The following TOP2A variants were observed in gnomAD, a reference collection of about 807,000 sequenced individuals.
The protein encoded by TOP2A is DNA topoisomerase II alpha.
TOP2A carries 68 observed loss-of-function variants against 187.2 expected under a neutral mutation model. The observed-to-expected ratio is 0.36, with a 90% CI of 0.30 to 0.44. TOP2A has a LOEUF of 0.44. Among genes scored for constraint, TOP2A ranks in the 20% least tolerant of loss-of-function variants. The probability of loss-of-function intolerance (pLI) is 1.00; values close to 1 mark genes in which losing one functional copy is unlikely to be tolerated. For synonymous variants in TOP2A, 542 were observed against 593.2 expected (o/e 0.91, Z 1.25); for missense variants, 1,196 against 1,808.7 (o/e 0.66, Z 6.14).
intron 29 of TOP2A, among the ~76,000 whole-genome samples, chr17:40,394,756 T>C (rs2035068281): frequency 6.6e-6 from 1 of 152,234 alleles, no homozygotes; most frequent in Non-Finnish European, 1.5e-5. Flanking sequence ...TTTAGTTCAT[T>C]GAGTGGACAT....
In TOP2A at chr17:40,398,863, A is replaced by C. The variant is rs777154533; in HGVS notation, c.3363T>G (p.Ser1121=). Residue 1121 remains serine, a synonymous_variant, in exon 26 of 35, where the codon TCT becomes TCG. Transcript: ENST00000423485. The stretch of plus-strand genomic sequence containing the variant: ...CAAGAAGATAGTTGAAGGTTGGTCC[A>C]GAATCTGTTACGGAGTCACTCTTTT... The part of the protein sequence containing the change: ...ETEKSDSVTD[S]GPTFNYLLDM... The C allele has an allele frequency of 1.2e-6, 2 of 1,613,926 alleles. No individual in the cohort carries two copies. Among genetic ancestry groups the C allele is most frequent in the Non-Finnish European group, 1.7e-6 (2 of 1,179,854 alleles).
At chr17:40,398,722 A>G (rs2035134765) in intron 26 of TOP2A, 51 bp downstream of exon 26, 1 of 1,604,658 alleles carries the variant, frequency 6.2e-7, no homozygotes, top group South Asian at 1.1e-5. Context: ...TACTTTTACC[A>G]TTAGAATAGA....
chr17:40,405,540 C>T (rs1213423552), intron 16 of TOP2A, among the ~76,000 whole-genome samples: 9 of 148,622 alleles, frequency 6.1e-5, no homozygotes, highest in Admixed American at 5.3e-4. Flanking sequence ...CTGCAAGCTC[C>T]GCCTCCTGGG....
chr17:40,396,131 C>T (rs1275284676), intron 28 of TOP2A, among the ~76,000 whole-genome samples, 152 bp downstream of exon 28: 1 of 151,752 alleles, frequency 6.6e-6, no homozygotes, highest in Non-Finnish European at 1.5e-5. Context: ...AGGCGCCTGC[C>T]ACCATGCCCG....
chr17:40,395,532 T>C lies in TOP2A; in HGVS notation c.3728A>G (p.Asn1243Ser), dbSNP rs749413974. The C allele has an allele frequency of 1.2e-6, 2 of 1,606,350 alleles. No individual in the cohort carries two copies. The highest frequency in any genetic ancestry group is 3.4e-5 in the Admixed American group (2 of 59,530). The change falls in exon 29 of 35, where the codon AAT becomes AGT. Residue 1243 changes from asparagine to serine, a missense_variant. This residue lies in a region of TOP2A where 374 missense variants were observed against 403.3 expected (regional missense o/e 0.93). Transcript: ENST00000423485. ...KKNKKKIKNE[N>S]TEGSPQEDGV... is the part of the protein sequence containing the mutation. ...ATCTTCTTGAGGGCTTCCTTCAGTATTTTCATTCTAAAAGATAGCAAAGTT... is the reference window on the plus strand; with the variant it reads ...ATCTTCTTGAGGGCTTCCTTCAGTACTTTCATTCTAAAAGATAGCAAAGTT...
At position 40,399,944 on chromosome 17, in the gene TOP2A, C is replaced by T; in HGVS notation, c.3124G>A (p.Gly1042Ser). ...LRKEWLLGML[G>S]AESAKLNNQA... ...TTATTCAGTTTAGCAGATTCAGCAC[C>T]AAGCATTCCTAGGAGCCATTCTTTT... Residue 1042 changes from glycine (G) to serine (S), a missense_variant, in exon 24 of 35, where the codon GGT becomes AGT. By Grantham distance (56) the Gly-to-Ser change is moderately conservative. Transcript: ENST00000423485. 1 of 1,613,028 alleles carries T rather than the reference C, an allele frequency of 6.2e-7. No individual in the cohort carries two copies. The highest frequency in any genetic ancestry group is 8.5e-7 in the Non-Finnish European group (1 of 1,179,506).
chr17:40,417,515 C>T, intron 1 of TOP2A: 1 of 1,414,454 alleles, frequency 7.1e-7, no homozygotes, highest in Non-Finnish European at 9.2e-7. Context: ...GGATCCACTA[C>T]GGGACCAACG....
chr17:40,397,966 C>T (rs1003015738), intron 27 of TOP2A, among the ~76,000 whole-genome samples: 8 of 151,812 alleles, frequency 5.3e-5, no homozygotes, highest in Non-Finnish European at 5.9e-5. Context: ...TTAGTAGAGA[C>T]AGGGTTTCTC....
chr17:40,392,369 T>C, intron 30 of TOP2A, 28 bp from the exon 31 acceptor site: 1 of 1,568,946 alleles, frequency 6.4e-7, no homozygotes. Flanking sequence ...TACAAAAAAA[T>C]CAAAGAGGGT....
chr17:40,408,872 A>G (rs1469442877), intron 10 of TOP2A: 1 of 613,204 alleles, frequency 1.6e-6, no homozygotes, highest in South Asian at 1.5e-5. Context: ...TTGTGCTAGC[A>G]CTGAGCTACT....
At position 40,389,212 on chromosome 17, in the gene TOP2A, C is replaced by A; in HGVS notation, c.*307G>T. On this transcript the variant is annotated 3_prime_UTR_variant, in exon 35 of 35. Coordinates refer to ENST00000423485, the MANE Select transcript of TOP2A (RefSeq NM_001067.4). ...GATGGTTAATAAACACACTGCTTTA[C>A]GCTGAAGTGATCAGATAGCTATTTC... 3.6e-6 allele frequency: 1 copy of A among 276,904 alleles called. No homozygotes were observed. Among genetic ancestry groups the A allele is most frequent in the East Asian group, 5.5e-5 (1 of 18,262 alleles). The allele number at this position is 276,904 out of a possible 1,614,324, so 17.2% of individuals were successfully genotyped here.
rs1361160549 is a variant in TOP2A at position 40,412,799 on chromosome 17, G to C, written c.749C>G (p.Thr250Ser). The C allele has an allele frequency of 6.2e-7, 1 of 1,613,800 alleles. No homozygotes were observed. Among genetic ancestry groups the C allele is most frequent in the Admixed American group, 1.7e-5 (1 of 59,994 alleles). ...VRRAYDIAGSTKDVKVFLNGN... is the reference protein window; with the variant it reads ...VRRAYDIAGSSKDVKVFLNGN... ...ATTAAGAAAGACTTTGACATCTTTG[G>C]TGGATCCAGCAATATCATATGCTCT... Residue 250 changes from threonine to serine, a missense_variant, in exon 7 of 35, where the codon ACC (threonine) becomes AGC (serine). Thr to Ser is a moderately conservative substitution (Grantham distance 58). This residue lies in a region of TOP2A where 252 missense variants were observed against 434.8 expected (regional missense o/e 0.58). Coordinates refer to ENST00000423485, the MANE Select transcript of TOP2A (RefSeq NM_001067.4).
chr17:40,400,801 C>T (rs767230455), intron 21 of TOP2A, 49 bp downstream of exon 21: 1 of 1,589,850 alleles, frequency 6.3e-7, no homozygotes, highest in African/African-American at 1.3e-5. Context: ...ATCTATTCAA[C>T]TGAAACCCAA....
chr17:40,396,142 C>A, intron 28 of TOP2A, 141 bp downstream of exon 28: 1 of 514,530 alleles, frequency 1.9e-6, no homozygotes, highest in South Asian at 2.9e-5. Flanking sequence ...ACCATGCCCG[C>A]CTAATTTTTT....
intron 29 of TOP2A, 23 bp from the exon 30 acceptor site, chr17:40,392,760 T>A (rs1040973306): frequency 6.3e-7 from 1 of 1,590,966 alleles, no homozygotes; most frequent in Non-Finnish European, 8.5e-7. Context: ...TAGAAATTAA[T>A]CACCTTTATA....
rs1370163835 is a variant in TOP2A at position 40,408,098 on chromosome 17, G to T, written c.1369C>A (p.Leu457Ile). ...GCTGAATCTCCCTCAGTCAGGATAA[G>T]CGTACACTCAGTGGAGTTTCGGCCC... Reference protein sequence around the residue: ...AGGRNSTECTLILTEGDSAKT... With the variant: ...AGGRNSTECTIILTEGDSAKT... Residue 457 changes from leucine to isoleucine, a missense_variant, in exon 12 of 35, where the codon CTT becomes ATT. Physicochemically the swap from Leu to Ile is conservative, Grantham distance 5 (BLOSUM62 2). Transcript: ENST00000423485. 1 of 1,609,944 alleles carries T rather than the reference G, an allele frequency of 6.2e-7. No homozygotes were observed. Among genetic ancestry groups the T allele is most frequent in the Non-Finnish European group, 8.5e-7 (1 of 1,178,124 alleles).
rs765025262 is a variant in TOP2A, at chr17:40,406,410, G to C, written c.1927C>G (p.Pro643Ala). The C allele has an allele frequency of 6.2e-7, 1 of 1,613,058 alleles. No individual in the cohort carries two copies. The change falls in exon 16 of 35, where the codon CCT becomes GCT. Residue 643 changes from proline to alanine, a missense_variant. By Grantham distance (27) the Pro-to-Ala change is conservative (BLOSUM62 -1). Transcript: ENST00000423485. ...AGGCTGATAGCAGCATCATCTTCAG[G>C]ACCAGAATATTTGAACTGGATACGA... ...RHRIQFKYSG[P>A]EDDAAISLAF...
intron 19 of TOP2A, among the ~76,000 whole-genome samples, chr17:40,403,436 T>C (rs1033564959): frequency 3.9e-5 from 6 of 152,324 alleles, no homozygotes; most frequent in African/African-American, 1.2e-4. Flanking sequence ...AAGGAACATA[T>C]TTTTATTTAT....
chr17:40,395,441 T>C lies in TOP2A; in HGVS notation c.3811+8A>G. On this transcript the variant is annotated splice_region_variant and intron_variant, in intron 29 of 34. Coordinates refer to ENST00000423485, the MANE Select transcript of TOP2A (RefSeq NM_001067.4). ...CTTTATACCATTTTTCTAAAAATGT[T>C]GTAATACCTGGTTCTCTTTTCTGTT... 6.3e-7 allele frequency: 1 copy of C among 1,578,092 alleles called. No individual in the cohort carries two copies. Among genetic ancestry groups the C allele is most frequent in the Non-Finnish European group, 8.7e-7 (1 of 1,152,962 alleles).
Sources: gnomAD v4.1 joint callset for allele counts (sites outside exome capture counted in the v4.1 genomes callset) on GRCh38, gnomAD v4.1.1 for gene constraint, gnomAD v4.1.1 regional missense constraint, MANE v1.5 for transcripts, NCBI Gene and HGNC (gene_info 2026-07-23, HGNC 2026-07-21) for gene names.